The following SMARCA5 variants were observed in gnomAD, a reference collection of about 807,000 sequenced individuals.
SMARCA5 encodes SNF2 related chromatin remodeling ATPase 5.
In SMARCA5, 18 loss-of-function variants were observed where a neutral mutation model predicts 140.4. That is an observed-to-expected ratio of 0.13 (90% CI 0.09 to 0.19). The LOEUF is 0.19. SMARCA5 is among the 10% of genes least tolerant of loss of function. SMARCA5 has a pLI of 1.00. For synonymous variants in SMARCA5, 449 were observed against 419.6 expected (o/e 1.07, Z -0.86); for missense variants, 606 against 1,276.8 (o/e 0.47, Z 8.01).
rs1367125667 is a variant in SMARCA5 at position 143,553,205 on chromosome 4, C to T, written c.*21C>T. ...TATGAATATGTTTTTGTTTCATAAT[C>T]ACTAACTTTAAACCAGTAGTTCTTT... On this transcript the variant is annotated 3_prime_UTR_variant, in exon 24 of 24. Transcript: ENST00000283131. 6.4e-7 allele frequency: 1 copy of T among 1,566,506 alleles called. No individual in the cohort carries two copies. The highest frequency in any genetic ancestry group is 2.2e-5 in the East Asian group (1 of 44,506).
chr4:143,542,816 A>G (rs1737457527), intron 14 of SMARCA5, among the ~76,000 whole-genome samples: 1 of 152,076 alleles, frequency 6.6e-6, no homozygotes, highest in Non-Finnish European at 1.5e-5. Flanking sequence ...TTCTTCGATG[A>G]TCCAGATACA....
Sources: allele counts gnomAD v4.1 joint callset (sites outside exome capture counted in the v4.1 genomes callset), GRCh38; gene constraint gnomAD v4.1.1; transcripts MANE v1.5; gene names NCBI Gene and HGNC (gene_info 2026-07-23, HGNC 2026-07-21).